Variants in GCKR observed in about 807,000 individuals in gnomAD.
GCKR encodes the protein glucokinase regulator.
A neutral mutation model predicts 82.9 loss-of-function variants in GCKR; 73 were observed. That is an observed-to-expected ratio of 0.88 (90% confidence interval 0.73 to 1.07). The LOEUF (loss-of-function observed/expected upper bound fraction) is 1.07, where lower values mean the gene tolerates loss of function less well. Ranked by LOEUF, GCKR falls within the 50% of genes least tolerant of loss-of-function variation. The pLI is 0.00. For missense variants in GCKR, 784 were observed against 782.1 expected, an observed-to-expected ratio of 1.00 and a Z score of -0.03; for synonymous variants, 294 against 291.8, an observed-to-expected ratio of 1.01 and a Z score of -0.08.
intron 16 of GCKR, among the ~76,000 whole-genome samples, chr2:27,515,321 G>C (rs1185159503): frequency 6.6e-6 from 1 of 152,074 alleles, no homozygotes; most frequent in Non-Finnish European, 1.5e-5. Context: ...TGTCACCTAG[G>C]CTGGAGTGCT....
intron 5 of GCKR, 119 bp downstream of exon 5, chr2:27,498,916 A>G (rs1669495027): frequency 1.1e-5 from 8 of 757,466 alleles, no homozygotes; most frequent in South Asian, 1.0e-4. Flanking sequence ...ACCATTCCTT[A>G]TTCCCTCACA....
chr2:27,513,164 G>T (rs1331181579), intron 16 of GCKR, among the ~76,000 whole-genome samples: 1 of 152,076 alleles, frequency 6.6e-6, no homozygotes, highest in Non-Finnish European at 1.5e-5. Context: ...TATTACTATG[G>T]TAGTTTTTCA....
rs775857392 is a variant in GCKR, at chr2:27,497,275, C to A, written c.92C>A (p.Thr31Lys). 1 of 1,614,048 alleles carries A rather than the reference C, an allele frequency of 6.2e-7. No homozygotes were observed. Among genetic ancestry groups the A allele is most frequent in the South Asian group, 1.1e-5 (1 of 91,086 alleles). The part of the protein sequence containing the change: ...LSGYEAAVPI[T>K]EKSNPLTQDL... ...GGGTACGAGGCAGCTGTGCCAATCA[C>A]GGAGAAGTCAAACCCACTGACCCAG... Residue 31 changes from threonine to lysine, a missense_variant, in exon 2 of 19, where the codon ACG (threonine) becomes AAG (lysine). Transcript: ENST00000264717.
chr2:27,519,678 G>T (rs145465669), intron 17 of GCKR, among the ~76,000 whole-genome samples: 1 of 152,152 alleles, frequency 6.6e-6, no homozygotes, highest in East Asian at 1.9e-4. Flanking sequence ...GACAATTTAC[G>T]TAGCAACACT....
At chr2:27,521,783 G>A (rs1371298422) in intron 17 of GCKR, among the ~76,000 whole-genome samples, 1 of 151,582 alleles carries the variant, frequency 6.6e-6, no homozygotes, top group Admixed American at 6.6e-5. Context: ...CAGTGCATTG[G>A]CACCATCCGG....
At position 27,499,122 on chromosome 2, in the gene GCKR, C is replaced by G. The variant is rs139834228; in HGVS notation, c.429-20C>G. 5.9e-6 allele frequency: 9 copies of G among 1,533,204 alleles called. No individual in the cohort carries two copies. The African/African-American group carries it at 1.1e-4, about 19-fold the overall frequency. The allele number at this position is 1,533,204 out of a possible 1,614,324, so 95.0% of individuals were successfully genotyped here. On this transcript the variant is annotated intron_variant, in intron 5 of 18. Transcript: ENST00000264717. ...TCTGCTTTCCAGCCACTGCCACTGACCTTGAGTCTGTCCTCTTAGGTCTGT... is the reference window on the plus strand; with the variant it reads ...TCTGCTTTCCAGCCACTGCCACTGAGCTTGAGTCTGTCCTCTTAGGTCTGT...
At chr2:27,507,823 G>T (rs574847030) in intron 14 of GCKR, 46 bp downstream of exon 14, 1 of 1,249,018 alleles carries the variant, frequency 8.0e-7, no homozygotes, top group East Asian at 2.3e-5. Flanking sequence ...GGGGGAAATA[G>T]AATGGTTCAG....
In GCKR at chr2:27,523,228, C is replaced by T. The variant is rs564018965; in HGVS notation, c.1708-41C>T. The stretch of plus-strand genomic sequence containing the variant: ...TCCGGGGTTCTTTCTCTGATGACCT[C>T]ATTCCCTCAGGCTTCAGTGCCCACT... On this transcript the variant is annotated intron_variant, in intron 18 of 18. Transcript: ENST00000264717. The T allele has an allele frequency of 6.9e-5, 109 of 1,574,158 alleles. 1 individual carries two copies. The Middle Eastern group carries it at 8.3e-4, about 12-fold the overall frequency.
intron 16 of GCKR, among the ~76,000 whole-genome samples, chr2:27,511,772 T>C (rs1474849225): frequency 6.6e-6 from 1 of 152,212 alleles, no homozygotes; most frequent in Non-Finnish European, 1.5e-5. Flanking sequence ...TTTGTTTTGT[T>C]TTCTTTTTTG....
rs752496496 is a variant in GCKR, at chr2:27,518,938, G to A, written c.1572+1G>A. On this transcript the variant is annotated splice_donor_variant, in intron 17 of 18. Transcript: ENST00000264717. LOFTEE classifies it high-confidence loss of function. ...CTGGCGGGCGCTGGCCATGCTGCAG[G>A]TAGGGATATGATGGGGCAGGGTTGG... 7.2e-7 allele frequency: 1 copy of A among 1,387,370 alleles called. No homozygotes were observed. The highest frequency in any genetic ancestry group is 9.9e-7 in the Non-Finnish European group (1 of 1,013,068). The allele number at this position is 1,387,370 out of a possible 1,614,324, so 85.9% of individuals were successfully genotyped here.
At chr2:27,512,126 C>A (rs13394224) in intron 16 of GCKR, among the ~76,000 whole-genome samples, 6,011 of 150,250 alleles carry the variant, frequency 0.04, 380 homozygotes, top group African/African-American at 0.14. Flanking sequence ...GTAATCACAA[C>A]TACTCAGGAG....
chr2:27,503,653 C>T (rs1274664112), intron 9 of GCKR, 34 bp downstream of exon 9: 2 of 1,087,598 alleles, frequency 1.8e-6, no homozygotes, highest in Admixed American at 1.7e-5. Flanking sequence ...TTCTCCACCC[C>T]TCCAACACCT....
rs753743449 is a variant in GCKR, at chr2:27,510,156, C to T, written c.1422+1905C>T. Among the ~76,000 whole-genome samples, 243 of 151,954 alleles carry T rather than the reference C, an allele frequency of 1.6e-3. 2 individuals carry two copies. The highest frequency in any genetic ancestry group is 2.6e-3 in the Non-Finnish European group (176 of 67,972). Reference sequence around the variant, plus strand: ...CCTGAGCAGCTGGGACTACAGGTGCCCGCCACCACGCCTGGCTAATTTTTT... The same window carrying T: ...CCTGAGCAGCTGGGACTACAGGTGCTCGCCACCACGCCTGGCTAATTTTTT... On this transcript the variant is annotated intron_variant, in intron 16 of 18. Transcript: ENST00000264717.
Position 27,498,259 on chromosome 2 carries a change from C to T in GCKR, c.290C>T (p.Pro97Leu). The change falls in exon 4 of 19, where the codon CCA (proline) becomes CTA (leucine). Residue 97 changes from proline to leucine, a missense_variant. Physicochemically the swap from Pro to Leu is moderately conservative, Grantham distance 98 (BLOSUM62 -3). Coordinates refer to ENST00000264717, the MANE Select transcript of GCKR (RefSeq NM_001486.4). ...TATGCCTCTTTCCTTCTTCAGGAGCCAGATGGGGGGCTGGTTGTGCTGAGT... is the reference window on the plus strand; with the variant it reads ...TATGCCTCTTTCCTTCTTCAGGAGCTAGATGGGGGGCTGGTTGTGCTGAGT... The part of the protein sequence containing the change: ...AGKVQEVLKE[P>L]DGGLVVLSGG... 1.2e-6 allele frequency: 2 copies of T among 1,612,358 alleles called. No individual in the cohort carries two copies. The highest frequency in any genetic ancestry group is 3.3e-4 in the Middle Eastern group (2 of 6,062).
In GCKR at chr2:27,512,428, G is replaced by A. The variant is rs375318290; in HGVS notation, c.1422+4177G>A. Among the ~76,000 whole-genome samples the A allele has an allele frequency of 3.4e-4, 51 of 149,666 alleles. No homozygotes were observed. In the East Asian group the frequency reaches 8.1e-3, roughly 24 times the overall value. On this transcript the variant is annotated intron_variant, in intron 16 of 18. Transcript: ENST00000264717. Reference sequence around the variant, plus strand: ...CACATGCTCATAGTCCCAGCTACTCGGGAGGCTGAGGCAGGAGGATCACTT... The same window carrying A: ...CACATGCTCATAGTCCCAGCTACTCAGGAGGCTGAGGCAGGAGGATCACTT...
Position 27,523,384 on chromosome 2 carries a change from C to T in GCKR, c.1823C>T (p.Pro608Leu), listed in dbSNP as rs779171513. 8 of 1,611,976 alleles carry T rather than the reference C, an allele frequency of 5.0e-6. No homozygotes were observed. The Middle Eastern group carries it at 4.9e-4, about 99-fold the overall frequency. The change falls in exon 19 of 19, where the codon CCA becomes CTA. Residue 608 changes from proline (P) to leucine (L), a missense_variant. Transcript: ENST00000264717. ...CEAVRSALAGPGQKRTADPLE... is the reference protein window; with the variant it reads ...CEAVRSALAGLGQKRTADPLE... The stretch of plus-strand genomic sequence containing the variant: ...GCTGTCAGGAGTGCTCTTGCTGGGC[C>T]AGGTCAGAAGCGCACTGCGGACCCC...
Position 27,501,107 on chromosome 2 carries a change from T to G in GCKR, c.550-28T>G, listed in dbSNP as rs999299698. ...ACCACTCAGAGTAATGACCCCCTCATCATGCCCTTCTCTCTCTTCACCATC... is the reference window on the plus strand; with the variant it reads ...ACCACTCAGAGTAATGACCCCCTCAGCATGCCCTTCTCTCTCTTCACCATC... On this transcript the variant is annotated intron_variant, in intron 7 of 18. Transcript: ENST00000264717. The G allele has an allele frequency of 2.7e-6, 4 of 1,507,884 alleles. No homozygotes were observed. In the Admixed American group the frequency reaches 5.0e-5, roughly 19 times the overall value. The allele number at this position is 1,507,884 out of a possible 1,614,324, so 93.4% of individuals were successfully genotyped here. A position where few individuals can be genotyped will look rare whatever the true frequency, so the allele number is the denominator to read the frequency against.
At position 27,507,703 on chromosome 2, in the gene GCKR, A is replaced by T. The variant is rs1425303103; in HGVS notation, c.1166A>T (p.Gln389Leu). 6.2e-7 allele frequency: 1 copy of T among 1,605,868 alleles called. No individual in the cohort carries two copies. Among genetic ancestry groups the T allele is most frequent in the Non-Finnish European group, 8.5e-7 (1 of 1,172,860 alleles). Residue 389 changes from glutamine to leucine, a missense_variant, in exon 14 of 19, where the codon CAG becomes CTG. Gln to Leu is a moderately radical substitution (Grantham distance 113). Coordinates refer to ENST00000264717, the MANE Select transcript of GCKR (RefSeq NM_001486.4). ...TNQGPQFTFS[Q>L]EDFLTSILPS... ...CAGGGTCCCCAGTTCACCTTCTCCCAGGAGGACTTCCTGACTTCCATCCTT... is the reference window on the plus strand; with the variant it reads ...CAGGGTCCCCAGTTCACCTTCTCCCTGGAGGACTTCCTGACTTCCATCCTT...
Position 27,520,801 on chromosome 2 carries a change from C to T in GCKR, c.1573-1659C>T, listed in dbSNP as rs558743441. Among the ~76,000 whole-genome samples the T allele has an allele frequency of 1.6e-3, 242 of 151,980 alleles. 1 individual carries two copies. The highest frequency in any genetic ancestry group is 5.6e-3 in the African/African-American group (231 of 41,456). ...CTGTAATCCCAGCATTCTGGGAGGC[C>T]GAAGCAGGCAGATCACTTGAGGTCA... is the stretch of plus-strand genomic sequence containing the variant. On this transcript the variant is annotated intron_variant, in intron 17 of 18. Coordinates refer to ENST00000264717, the MANE Select transcript of GCKR (RefSeq NM_001486.4).
Sources: allele counts gnomAD v4.1 joint callset (sites outside exome capture counted in the v4.1 genomes callset), GRCh38; gene constraint gnomAD v4.1.1; transcripts MANE v1.5; gene names NCBI Gene and HGNC (gene_info 2026-07-23, HGNC 2026-07-21).